SNX7: variants seen among roughly 807,000 people sequenced by gnomAD.
The protein encoded by SNX7 is sorting nexin-7.
In SNX7, 35 loss-of-function variants were observed where a neutral mutation model predicts 48.4. The observed-to-expected ratio is 0.72, with a 90% CI of 0.55 to 0.96. The LOEUF is 0.96. Among genes scored for constraint, SNX7 ranks in the 40% least tolerant of loss-of-function variants. SNX7 has a pLI of 0.00. For missense variants in SNX7, 553 were observed against 548.9 expected (o/e 1.01, Z -0.07); for synonymous variants, 190 against 190.2 (o/e 1.00, Z 0.01).
At chr1:98,685,597 A>G (rs901720738) in intron 2 of SNX7, among the ~76,000 whole-genome samples, 1 of 152,116 alleles carries the variant, frequency 6.6e-6, no homozygotes, top group African/African-American at 2.4e-5. Flanking sequence ...TACAAAGACA[A>G]TTTACCTCAG....
intron 7 of SNX7, among the ~76,000 whole-genome samples, chr1:98,708,324 TTTA>T (rs764238983): frequency 1.1e-4 from 16 of 152,090 alleles, no homozygotes; most frequent in Non-Finnish European, 2.4e-4. Flanking sequence ...CTTTTATCAG[TTTA>T]TCCTAAAAGG....
intron 7 of SNX7, among the ~76,000 whole-genome samples, chr1:98,737,322 G>A (rs1653833537): frequency 6.6e-6 from 1 of 151,970 alleles, no homozygotes; most frequent in Non-Finnish European, 1.5e-5. Context: ...CTACCGTTCT[G>A]CTTCATTTTT....
At chr1:98,739,419 C>A (rs186296578) in intron 8 of SNX7, among the ~76,000 whole-genome samples, 4 of 152,240 alleles carry the variant, frequency 2.6e-5, no homozygotes, top group African/African-American at 9.6e-5. Context: ...GAAAGATTAA[C>A]TGATATTGAT....
intron 5 of SNX7, among the ~76,000 whole-genome samples, chr1:98,696,998 T>A (rs1557804404): frequency 2.0e-5 from 3 of 152,090 alleles, no homozygotes; most frequent in Non-Finnish European, 4.4e-5. Context: ...ACAGATTGAT[T>A]TGAGTGGTAT....
intron 8 of SNX7, among the ~76,000 whole-genome samples, chr1:98,743,108 G>A (rs1654152709): frequency 1.3e-5 from 2 of 151,430 alleles, no homozygotes; most frequent in Non-Finnish European, 2.9e-5. Context: ...TATGATTACT[G>A]CATTTCTTAT....
intron 2 of SNX7, among the ~76,000 whole-genome samples, chr1:98,689,105 A>C (rs749996609): frequency 6.6e-6 from 1 of 152,076 alleles, no homozygotes; most frequent in Non-Finnish European, 1.5e-5. Flanking sequence ...GGGTTTCACC[A>C]TGTTGGTCAG....
chr1:98,720,433 T>C (rs55637243), intron 7 of SNX7, among the ~76,000 whole-genome samples: 27,192 of 152,050 alleles, frequency 0.18, 3,225 homozygotes, highest in South Asian at 0.29. Context: ...TGAGAAAATA[T>C]TCAGTAATAT....
intron 1 of SNX7, among the ~76,000 whole-genome samples, chr1:98,666,998 A>G (rs1649569854): frequency 6.6e-6 from 1 of 152,224 alleles, no homozygotes; most frequent in African/African-American, 2.4e-5. Flanking sequence ...TTCAGCCTCC[A>G]GCATTCATGT....
intron 4 of SNX7, among the ~76,000 whole-genome samples, chr1:98,694,677 G>A (rs1354409412): frequency 1.6e-5 from 2 of 126,130 alleles, no homozygotes; most frequent in Non-Finnish European, 1.6e-5. Flanking sequence ...GCATGATCTC[G>A]GCTCACTGCA....
At chr1:98,727,850 A>G (rs566566726) in intron 7 of SNX7, among the ~76,000 whole-genome samples, 2 of 152,240 alleles carry the variant, frequency 1.3e-5, no homozygotes, top group South Asian at 4.1e-4. Flanking sequence ...AAGAATGAAA[A>G]AGAATGAACA....
At chr1:98,663,951 T>G (rs1231004386) in intron 1 of SNX7, among the ~76,000 whole-genome samples, 3 of 152,170 alleles carry the variant, frequency 2.0e-5, no homozygotes, top group Non-Finnish European at 4.4e-5. Context: ...ATTAGCCACT[T>G]TCATCCATTT....
chr1:98,755,248 T>C (rs1490366416), intron 8 of SNX7, among the ~76,000 whole-genome samples: 1 of 152,142 alleles, frequency 6.6e-6, no homozygotes, highest in Non-Finnish European at 1.5e-5. Context: ...AAATGTTTTA[T>C]GGGCATGTGA....
chr1:98,683,341 G>T (rs1029236608), intron 1 of SNX7, among the ~76,000 whole-genome samples: 3 of 152,144 alleles, frequency 2.0e-5, no homozygotes, highest in African/African-American at 7.2e-5. Context: ...TTCATTAGGG[G>T]ACTACAACTG....
chr1:98,661,830 C>T lies in SNX7; in HGVS notation c.99C>T (p.Gly33=). The change falls in exon 1 of 9, where the codon GGC becomes GGT. Residue 33 remains glycine (G), a synonymous_variant. Coordinates refer to ENST00000306121, the MANE Select transcript of SNX7 (RefSeq NM_015976.5). ...ESPGGGAPFP[G]SSGSSALLQA... ...CGGGGGGCGGCGCCCCCTTTCCGGG[C>T]AGCAGTGGCTCTTCCGCCCTGCTGC... 1 of 1,246,236 alleles carries T rather than the reference C, an allele frequency of 8.0e-7. No individual in the cohort carries two copies. Among genetic ancestry groups the T allele is most frequent in the South Asian group, 4.1e-5 (1 of 24,304 alleles). 77.2% of individuals were successfully genotyped at this position (1,246,236 alleles called of 1,614,324 possible). A position where few individuals can be genotyped will look rare whatever the true frequency, so the allele number is the denominator to read the frequency against.
chr1:98,680,592 C>T (rs1485391067), intron 1 of SNX7, among the ~76,000 whole-genome samples: 2 of 152,176 alleles, frequency 1.3e-5, no homozygotes, highest in African/African-American at 4.8e-5. Context: ...ACCCAAGTCA[C>T]CTCTTGAATG....
intron 6 of SNX7, among the ~76,000 whole-genome samples, chr1:98,699,328 T>C (rs1651634190): frequency 6.6e-6 from 1 of 152,188 alleles, no homozygotes; most frequent in Admixed American, 6.6e-5. Context: ...GAGTTGGATC[T>C]TGATGTTCTG....
intron 8 of SNX7, among the ~76,000 whole-genome samples, chr1:98,754,328 T>C (rs1654739740): frequency 6.6e-6 from 1 of 152,082 alleles, no homozygotes; most frequent in Admixed American, 6.6e-5. Context: ...TAGTTTTCTT[T>C]TCTTGGAATG....
chr1:98,721,098 T>TGAG (rs112306230), intron 7 of SNX7, among the ~76,000 whole-genome samples: 1 of 151,626 alleles, frequency 6.6e-6, no homozygotes, highest in South Asian at 2.1e-4. Context: ...CACCTCAAGT[T>TGAG]TGTGTTCCCA....
Position 98,670,625 on chromosome 1 carries a change from A to G in SNX7, c.180+8714A>G, listed in dbSNP as rs551259886. ...TGTACAGGTTTGTAGCCTGGGATCA[A>G]TAGGCTATACCATCTAGCCTATGTA... On this transcript the variant is annotated intron_variant, in intron 1 of 8. Transcript: ENST00000306121. Among the ~76,000 whole-genome samples, 5 of 152,350 alleles carry G rather than the reference A, an allele frequency of 3.3e-5. No individual in the cohort carries two copies. In the South Asian group the frequency reaches 8.3e-4, roughly 25 times the overall value.
Sources: gnomAD v4.1 joint callset for allele counts (sites outside exome capture counted in the v4.1 genomes callset) on GRCh38, gnomAD v4.1.1 for gene constraint, MANE v1.5 for transcripts, NCBI Gene and HGNC (gene_info 2026-07-23, HGNC 2026-07-21) for gene names.